Variants in TBC1D5 observed in about 807,000 individuals in gnomAD.
TBC1D5 encodes TBC1 domain family member 5.
A neutral mutation model predicts 100.3 loss-of-function variants in TBC1D5; 75 were observed. The ratio of observed to expected loss-of-function variants is 0.75; its 90% CI spans 0.62 to 0.91. The LOEUF (loss-of-function observed/expected upper bound fraction) is 0.91. Ranked by LOEUF, TBC1D5 falls within the 40% of genes least tolerant of loss-of-function variation. The pLI, the probability that TBC1D5 is intolerant of heterozygous loss-of-function variation, is 0.00. For missense variants in TBC1D5, 910 were observed against 942.4 expected (o/e 0.97, Z 0.45); for synonymous variants, 323 against 325.6 (o/e 0.99, Z 0.09).
At chr3:17,608,113 C>T (rs2061448825) in intron 2 of TBC1D5, among the ~76,000 whole-genome samples, 1 of 152,002 alleles carries the variant, frequency 6.6e-6, no homozygotes, top group African/African-American at 2.4e-5. Context: ...AAAAATTAAC[C>T]AGGCATGGTG....
intron 1 of TBC1D5, among the ~76,000 whole-genome samples, chr3:17,649,662 T>C (rs1420196061): frequency 6.6e-6 from 1 of 151,982 alleles, no homozygotes; most frequent in Non-Finnish European, 1.5e-5. Flanking sequence ...GGAGAGGATG[T>C]GGAGAAATAG....
intron 16 of TBC1D5, among the ~76,000 whole-genome samples, chr3:17,249,260 C>A (rs569275051): frequency 6.6e-6 from 1 of 152,136 alleles, no homozygotes; most frequent in African/African-American, 2.4e-5. Context: ...TTGTTTGCTG[C>A]GAGAGATCTA....
intron 16 of TBC1D5, among the ~76,000 whole-genome samples, chr3:17,255,384 T>C (rs2077549413): frequency 6.6e-6 from 1 of 152,178 alleles, no homozygotes; most frequent in East Asian, 2.0e-4. Flanking sequence ...GTATTTTTAA[T>C]AGAGACAGGG....
At chr3:17,251,412 T>C (rs977988828) in intron 16 of TBC1D5, among the ~76,000 whole-genome samples, 1 of 125,946 alleles carries the variant, frequency 7.9e-6, no homozygotes, top group Non-Finnish European at 1.6e-5. Flanking sequence ...AGGGAATATA[T>C]ATACTCACGG....
At position 17,464,498 on chromosome 3, in the gene TBC1D5, G is replaced by A. The variant is rs575315667; in HGVS notation, c.98-35979C>T. Among the ~76,000 whole-genome samples, 8 of 151,710 alleles carry A rather than the reference G, an allele frequency of 5.3e-5. No individual in the cohort carries two copies. In the South Asian group the frequency reaches 1.0e-3, roughly 20 times the overall value. ...TTCATGTAAACTTCAAATCTTTCCC[G>A]GTTTCCTTCAAATCTTTCCTCATTG... is the stretch of plus-strand genomic sequence containing the variant. On this transcript the variant is annotated intron_variant, in intron 3 of 21. Transcript: ENST00000253692.
intron 8 of TBC1D5, among the ~76,000 whole-genome samples, chr3:17,398,688 A>T (rs140555136): frequency 6.6e-6 from 1 of 152,092 alleles, no homozygotes; most frequent in Non-Finnish European, 1.5e-5. Flanking sequence ...CTGGGCTAAC[A>T]CAAGAGCTCT....
intron 2 of TBC1D5, among the ~76,000 whole-genome samples, chr3:17,524,053 A>G (rs2096097386): frequency 6.6e-6 from 1 of 152,192 alleles, no homozygotes; most frequent in South Asian, 2.1e-4. Flanking sequence ...GTAAGCAGGT[A>G]TCATTTCCTT....
At chr3:17,595,045 G>A (rs1470445126) in intron 2 of TBC1D5, among the ~76,000 whole-genome samples, 4 of 152,124 alleles carry the variant, frequency 2.6e-5, no homozygotes, top group Non-Finnish European at 5.9e-5. Flanking sequence ...GCAGAAAAGT[G>A]TAAAAAGAGA....
At chr3:17,510,494 A>G (rs2095891820) in intron 2 of TBC1D5, among the ~76,000 whole-genome samples, 1 of 152,008 alleles carries the variant, frequency 6.6e-6, no homozygotes, top group Admixed American at 6.6e-5. Context: ...ACATAAACCT[A>G]GACGGTTGTC....
chr3:17,212,617 A>G (rs1399298335), intron 18 of TBC1D5, among the ~76,000 whole-genome samples: 2 of 152,072 alleles, frequency 1.3e-5, no homozygotes, highest in African/African-American at 4.8e-5. Context: ...ACTGCCCCCA[A>G]AGACCCTCCA....
intron 2 of TBC1D5, among the ~76,000 whole-genome samples, chr3:17,538,154 T>C (rs1250953333): frequency 1.3e-5 from 2 of 152,052 alleles, no homozygotes; most frequent in Non-Finnish European, 2.9e-5. Context: ...CCACCCCCTG[T>C]TGCCCCCAGG....
chr3:17,591,619 C>G (rs576687976), intron 2 of TBC1D5, among the ~76,000 whole-genome samples: 1 of 152,086 alleles, frequency 6.6e-6, no homozygotes, highest in Non-Finnish European at 1.5e-5. Flanking sequence ...AGCTCAAGTC[C>G]GACCTACAGT....
exon 13 of TBC1D5, chr3:17,372,156 T>C (rs749503834): frequency 6.2e-7 from 1 of 1,613,878 alleles, no homozygotes; most frequent in South Asian, 1.1e-5. Flanking sequence ...TAGATGATCC[T>C]GGATCTGGTT....
chr3:17,350,941 CA>C (rs1384989775), intron 13 of TBC1D5, among the ~76,000 whole-genome samples: 1 of 152,094 alleles, frequency 6.6e-6, no homozygotes. Context: ...CCCCAATCCC[CA>C]AATACTATAG....
intron 3 of TBC1D5, among the ~76,000 whole-genome samples, chr3:17,505,341 A>C (rs549240852): frequency 6.6e-6 from 1 of 152,114 alleles, no homozygotes; most frequent in South Asian, 2.1e-4. Flanking sequence ...CTTACTCCTG[A>C]GATATACCTC....
intron 2 of TBC1D5, among the ~76,000 whole-genome samples, chr3:17,531,390 A>G (rs1470771222): frequency 6.6e-6 from 1 of 152,192 alleles, no homozygotes; most frequent in Non-Finnish European, 1.5e-5. Flanking sequence ...AATCAATATC[A>G]TGAAAATGGC....
intron 3 of TBC1D5, among the ~76,000 whole-genome samples, chr3:17,505,786 G>A (rs2095838551): frequency 6.6e-6 from 1 of 152,026 alleles, no homozygotes; most frequent in African/African-American, 2.4e-5. Context: ...TAACTTGTCA[G>A]TTATTAAACT....
intron 17 of TBC1D5, among the ~76,000 whole-genome samples, chr3:17,234,766 A>G (rs1334531135): frequency 1.3e-5 from 2 of 152,136 alleles, no homozygotes; most frequent in Non-Finnish European, 2.9e-5. Context: ...ACAGTAGTAA[A>G]AAAAATCAAC....
At chr3:17,665,896 G>A (rs2067206046) in intron 1 of TBC1D5, among the ~76,000 whole-genome samples, 1 of 152,018 alleles carries the variant, frequency 6.6e-6, no homozygotes, top group Non-Finnish European at 1.5e-5. Flanking sequence ...TTAATATAGA[G>A]GGTCTTTTGT....
Sources: gnomAD v4.1 joint callset for allele counts (sites outside exome capture counted in the v4.1 genomes callset) on GRCh38, gnomAD v4.1.1 for gene constraint, MANE v1.5 for transcripts, NCBI Gene and HGNC (gene_info 2026-07-23, HGNC 2026-07-21) for gene names.